Variants in FAM107A observed in about 807,000 individuals in gnomAD.
The protein encoded by FAM107A is family with sequence similarity 107 member A, also known as actin-associated protein FAM107A.
In FAM107A, 19 loss-of-function variants were observed where a neutral mutation model predicts 13.7. That is an observed-to-expected ratio of 1.38 (90% confidence interval 0.97 to 2.03). The LOEUF (loss-of-function observed/expected upper bound fraction) is 2.03, where lower values mean the gene tolerates loss of function less well. Among genes scored for constraint, FAM107A ranks in the 30% most tolerant of loss-of-function variants. FAM107A has a pLI of 0.00. For missense variants in FAM107A, 203 were observed against 184.4 expected, an observed-to-expected ratio of 1.10 and a Z score of -0.58; for synonymous variants, 82 against 74.5, an observed-to-expected ratio of 1.10 and a Z score of -0.52.
intron 1 of FAM107A, among the ~76,000 whole-genome samples, chr3:58,598,391 TG>T (rs1196723338): frequency 6.6e-6 from 1 of 152,316 alleles, no homozygotes; most frequent in South Asian, 2.1e-4. Flanking sequence ...TCTACAGTTC[TG>T]GTCTCCAGGG....
intron 1 of FAM107A, among the ~76,000 whole-genome samples, chr3:58,597,826 A>T (rs2065720697): frequency 6.6e-6 from 1 of 152,136 alleles, no homozygotes; most frequent in Non-Finnish European, 1.5e-5. Context: ...GGATGGAAAT[A>T]AAAAAATAAA....
At chr3:58,583,863 C>A (rs4681692) in intron 1 of FAM107A, among the ~76,000 whole-genome samples, 121,787 of 151,802 alleles carry the variant, frequency 0.8, 49,343 homozygotes, top group East Asian at 1. Context: ...AAACATTTTT[C>A]TAGAGACGAG....
chr3:58,608,782 C>T (rs1173541029), intron 1 of FAM107A: 4 of 152,278 alleles, frequency 2.6e-5, no homozygotes, highest in African/African-American at 9.6e-5. Flanking sequence ...TCCCATTACG[C>T]CAGGCAAGAT....
chr3:58,577,984 G>A (rs140573232), upstream of FAM107A, among the ~76,000 whole-genome samples: 26 of 151,968 alleles, frequency 1.7e-4, 1 homozygote, highest in East Asian at 4.3e-3. This position sits in a 1 kb window ranked among gnomAD's most constrained non-coding sequence, Gnocchi z 4.9. Flanking sequence ...GGTCTCAGCA[G>A]GCTCATGTGT....
intron 1 of FAM107A, among the ~76,000 whole-genome samples, chr3:58,624,554 A>G (rs1182118479): frequency 6.6e-6 from 1 of 152,088 alleles, no homozygotes; most frequent in African/African-American, 2.4e-5. Context: ...TCTCCCTTCC[A>G]TTGAGTAACA....
chr3:58,622,800 T>G (rs919058022), intron 1 of FAM107A, among the ~76,000 whole-genome samples: 1 of 151,932 alleles, frequency 6.6e-6, no homozygotes, highest in African/African-American at 2.4e-5. Context: ...GGGGGGATAT[T>G]TTTTCCTCAC....
At chr3:58,624,033 C>T (rs1281982977) in intron 1 of FAM107A, among the ~76,000 whole-genome samples, 5 of 152,292 alleles carry the variant, frequency 3.3e-5, no homozygotes, top group African/African-American at 1.2e-4. Context: ...TGCCCACACT[C>T]TGTTGGTGTC....
At chr3:58,584,023 C>A (rs562019377) in intron 1 of FAM107A, among the ~76,000 whole-genome samples, 1 of 152,174 alleles carries the variant, frequency 6.6e-6, no homozygotes, top group Non-Finnish European at 1.5e-5. Flanking sequence ...TCCTTGGGGG[C>A]TTCTCAACGA....
upstream of FAM107A, chr3:58,577,795 T>G: frequency 3.5e-6 from 3 of 845,436 alleles, no homozygotes; most frequent in Non-Finnish European, 4.3e-6. The surrounding 1 kb of genome is among the most constrained non-coding windows in gnomAD (Gnocchi z 4.9). Flanking sequence ...AAAATGGCTC[T>G]GGGGGGAAAA....
In FAM107A at chr3:58,565,265, C is replaced by G. The variant is rs1241525158; in HGVS notation, c.*1323G>C. 6.6e-6 allele frequency: 1 copy of G among 151,948 alleles called. No individual in the cohort carries two copies. Among genetic ancestry groups the G allele is most frequent in the Non-Finnish European group, 1.5e-5 (1 of 68,016 alleles). The allele number at this position is 151,948 out of a possible 1,614,324, so 9.4% of individuals were successfully genotyped here. ...AAATGGGTGAATTCACTGGAGTTGG[C>G]CCAGCTAGGGGTTGGGTCTCAGGTG... On this transcript the variant is annotated 3_prime_UTR_variant, in exon 4 of 4. Transcript: ENST00000360997.
At chr3:58,587,070 C>G (rs1045346856) in exon 1 of FAM107A, 5 of 1,358,600 alleles carry the variant, frequency 3.7e-6, no homozygotes, top group South Asian at 3.4e-5. Context: ...GGTCAAGTTA[C>G]GGCGGCGGCC....
At chr3:58,567,074 C>T in intron 3 of FAM107A, 134 bp downstream of exon 3, 1 of 1,135,262 alleles carries the variant, frequency 8.8e-7, no homozygotes, top group Non-Finnish European at 1.3e-6. Flanking sequence ...AGGACTCAGG[C>T]CAGGAGTGGA....
chr3:58,621,999 G>A (rs55808301), intron 1 of FAM107A, among the ~76,000 whole-genome samples: 1 of 152,200 alleles, frequency 6.6e-6, no homozygotes, highest in African/African-American at 2.4e-5. Context: ...AGTGTCAGGT[G>A]GGGGAGAGGT....
chr3:58,575,395 C>T (rs543503023), intron 1 of FAM107A, among the ~76,000 whole-genome samples: 1 of 152,308 alleles, frequency 6.6e-6, no homozygotes, highest in African/African-American at 2.4e-5. Flanking sequence ...TATGGTACTT[C>T]TGTCCTGAAG....
exon 1 of FAM107A, chr3:58,586,898 G>T (rs80312641): frequency 6.5e-7 from 1 of 1,532,764 alleles, no homozygotes; most frequent in Admixed American, 2.0e-5. Flanking sequence ...CGGTGGCATC[G>T]GAGGGCCCCC....
chr3:58,590,958 C>G (rs569206101), upstream of FAM107A, among the ~76,000 whole-genome samples: 1 of 152,210 alleles, frequency 6.6e-6, no homozygotes, highest in Non-Finnish European at 1.5e-5. Flanking sequence ...ATTGGGGACT[C>G]AAACCCACAT....
chr3:58,568,422 G>A (rs1312546053), intron 2 of FAM107A, among the ~76,000 whole-genome samples: 1 of 151,220 alleles, frequency 6.6e-6, no homozygotes, highest in Non-Finnish European at 1.5e-5. Flanking sequence ...GCGACAGAGC[G>A]AGACTTCATC....
At chr3:58,627,107 C>A in intron 1 of FAM107A, 1 of 1,041,462 alleles carries the variant, frequency 9.6e-7, no homozygotes, top group South Asian at 1.4e-5. Context: ...CGAGGGCCCC[C>A]TGTCCTCTTG....
chr3:58,581,721 G>A (rs182207925), upstream of FAM107A, among the ~76,000 whole-genome samples: 8 of 152,296 alleles, frequency 5.3e-5, no homozygotes, highest in South Asian at 4.1e-4. Flanking sequence ...AATGAGAGTC[G>A]CCTTTACAAC....
Sources: gnomAD v4.1 joint callset for allele counts (sites outside exome capture counted in the v4.1 genomes callset) on GRCh38, gnomAD v4.1.1 for gene constraint, Gnocchi (gnomAD v3.1) non-coding constraint, MANE v1.5 for transcripts, NCBI Gene and HGNC (gene_info 2026-07-23, HGNC 2026-07-21) for gene names.